AKR1C8: variants seen among roughly 807,000 people sequenced by gnomAD.
AKR1C8 encodes the protein aldo-keto reductase family 1 member C8.
At chr10:5,126,094 G>A in the AKR1C8 span, among the ~76,000 whole-genome samples, 7 of 152,192 alleles carry the variant, frequency 4.6e-5, no homozygotes, top group Non-Finnish European at 8.8e-5. Context: ...AGTAGGGAAA[G>A]TCTAAACCTC....
At chr10:5,155,719 G>A in the AKR1C8 span, 1 of 476,744 alleles carries the variant, frequency 2.1e-6, no homozygotes, top group South Asian at 1.6e-5. Flanking sequence ...GGCCATCAAT[G>A]GCTTTCATGT....
chr10:5,120,875 T>G, the AKR1C8 span, among the ~76,000 whole-genome samples: 1 of 152,094 alleles, frequency 6.6e-6, no homozygotes, highest in Non-Finnish European at 1.5e-5. Context: ...CAGTTTGGAG[T>G]GTAGAAGTGG....
chr10:5,127,915 T>C, the AKR1C8 span, among the ~76,000 whole-genome samples: 2 of 151,962 alleles, frequency 1.3e-5, no homozygotes, highest in Admixed American at 6.6e-5. Flanking sequence ...GATATCCAAA[T>C]AGAAGAAGCT....
the AKR1C8 span, among the ~76,000 whole-genome samples, chr10:5,138,822 G>A: frequency 2.6e-5 from 4 of 152,090 alleles, no homozygotes; most frequent in Admixed American, 2.6e-4. Flanking sequence ...AATCAGGCAA[G>A]AGAAAGAAAT....
At chr10:5,159,233 T>C in the AKR1C8 span, among the ~76,000 whole-genome samples, 1 of 152,216 alleles carries the variant, frequency 6.6e-6, no homozygotes, top group African/African-American at 2.4e-5. Context: ...TAAATTCGCA[T>C]GGCATTAATC....
At chr10:5,159,668 T>C in the AKR1C8 span, among the ~76,000 whole-genome samples, 2 of 152,114 alleles carry the variant, frequency 1.3e-5, no homozygotes, top group Non-Finnish European at 2.9e-5. Context: ...ACTCAGCACC[T>C]CCACATGGCT....
chr10:5,124,708 A>G, the AKR1C8 span, among the ~76,000 whole-genome samples: 4 of 152,282 alleles, frequency 2.6e-5, no homozygotes, highest in South Asian at 8.3e-4. Flanking sequence ...GTTGTGGAAT[A>G]TAACTTTACC....
chr10:5,115,860 C>A, the AKR1C8 span, among the ~76,000 whole-genome samples: 117 of 152,136 alleles, frequency 7.7e-4, 1 homozygote, highest in Non-Finnish European at 1.3e-3. Context: ...ATGGTTTTAA[C>A]AAAAGGAGGA....
chr10:5,174,839 G>C, the AKR1C8 span, among the ~76,000 whole-genome samples: 1 of 151,876 alleles, frequency 6.6e-6, no homozygotes, highest in Non-Finnish European at 1.5e-5. Context: ...AAAAATGAAA[G>C]ATTAAACAGG....
At chr10:5,183,330 A>G in the AKR1C8 span, among the ~76,000 whole-genome samples, 1 of 152,228 alleles carries the variant, frequency 6.6e-6, no homozygotes, top group Non-Finnish European at 1.5e-5. Flanking sequence ...CAAAAAAACT[A>G]AGCAAAACCA....
chr10:5,178,053 T>C, the AKR1C8 span, among the ~76,000 whole-genome samples: 1 of 152,112 alleles, frequency 6.6e-6, no homozygotes, highest in African/African-American at 2.4e-5. Context: ...GCTTTTCTAG[T>C]TCTTTTAATT....
chr10:5,117,767 G>T, the AKR1C8 span, among the ~76,000 whole-genome samples: 1 of 152,026 alleles, frequency 6.6e-6, no homozygotes, highest in South Asian at 2.1e-4. Flanking sequence ...AGAGAGGAAA[G>T]CAAGAGAGGA....
At chr10:5,152,432 C>T in the AKR1C8 span, among the ~76,000 whole-genome samples, 1 of 152,312 alleles carries the variant, frequency 6.6e-6, no homozygotes, top group East Asian at 1.9e-4. Context: ...GTATAAGTAG[C>T]TTTGTGACTG....
chr10:5,116,000 G>A, the AKR1C8 span, among the ~76,000 whole-genome samples: 1 of 152,120 alleles, frequency 6.6e-6, no homozygotes, highest in African/African-American at 2.4e-5. Flanking sequence ...ACCTCAGCAG[G>A]TCATGTTTTT....
At chr10:5,131,206 G>T in the AKR1C8 span, among the ~76,000 whole-genome samples, 1 of 151,912 alleles carries the variant, frequency 6.6e-6, no homozygotes, top group Admixed American at 6.6e-5. Context: ...TTAAGTCTAA[G>T]ACCTGAAACC....
the AKR1C8 span, among the ~76,000 whole-genome samples, chr10:5,138,576 C>T: frequency 1.2e-4 from 18 of 151,680 alleles, no homozygotes; most frequent in East Asian, 1.9e-4. Context: ...GGTCTTGAGG[C>T]GATGTACATC....
At chr10:5,139,626 C>A in the AKR1C8 span, among the ~76,000 whole-genome samples, 1 of 152,126 alleles carries the variant, frequency 6.6e-6, no homozygotes, top group Admixed American at 6.5e-5. Context: ...GGATCCCTTC[C>A]TTATATCTTG....
At chr10:5,127,920 G>A in the AKR1C8 span, among the ~76,000 whole-genome samples, 1 of 151,938 alleles carries the variant, frequency 6.6e-6, no homozygotes, top group Non-Finnish European at 1.5e-5. Context: ...CCAAATAGAA[G>A]AAGCTCAAAG....
the AKR1C8 span, among the ~76,000 whole-genome samples, chr10:5,118,572 C>T: frequency 1.3e-5 from 2 of 152,092 alleles, no homozygotes; most frequent in Non-Finnish European, 2.9e-5. Context: ...TATGACCTAC[C>T]TTGGGGAAGA....
Sources: allele counts gnomAD v4.1 joint callset (sites outside exome capture counted in the v4.1 genomes callset), GRCh38; gene constraint gnomAD v4.1.1; transcripts MANE v1.5; gene names NCBI Gene and HGNC (gene_info 2026-07-23, HGNC 2026-07-21).